PRP4K: variants seen among roughly 807,000 people sequenced by gnomAD.
The protein encoded by PRP4K is pre-mRNA processing factor kinase PRP4K.
At chr6:4,029,312 ACTCATT>A in the PRP4K span, among the ~76,000 whole-genome samples, 1 of 121,766 alleles carries the variant, frequency 8.2e-6, no homozygotes, top group South Asian at 2.8e-4. Flanking sequence ...TTAATTCCTT[ACTCATT>A]CTCTAGGGCG....
chr6:4,032,429 C>CAGAA, the PRP4K span: 1 of 1,614,064 alleles, frequency 6.2e-7, no homozygotes, highest in East Asian at 2.2e-5. Context: ...AATCCAAAGA[C>CAGAA]AGAAGGTCAC....
chr6:4,051,824 A>G, the PRP4K span: 1 of 560,060 alleles, frequency 1.8e-6, no homozygotes, highest in East Asian at 3.0e-5. Context: ...CAGTAGATTT[A>G]TTAGTACTTA....
At chr6:4,021,360 C>T in the PRP4K span, 13 of 1,549,240 alleles carry the variant, frequency 8.4e-6, no homozygotes, top group African/African-American at 2.7e-5. Flanking sequence ...CTTCTTCCTC[C>T]ACTTCCCCTA....
chr6:4,047,264 T>A, the PRP4K span: 1 of 1,594,450 alleles, frequency 6.3e-7, no homozygotes. Context: ...TTATTTTAAA[T>A]CAAGTGTTAA....
chr6:4,027,334 G>A, the PRP4K span, among the ~76,000 whole-genome samples: 2 of 152,038 alleles, frequency 1.3e-5, no homozygotes, highest in Non-Finnish European at 2.9e-5. Context: ...ATTTTCATAA[G>A]CCTATGATTT....
the PRP4K span, chr6:4,041,032 A>G: frequency 3.3e-6 from 4 of 1,197,866 alleles, no homozygotes; most frequent in South Asian, 1.6e-5. Flanking sequence ...AAGTGGCTCC[A>G]TTAATTTGGC....
chr6:4,029,599 T>C, the PRP4K span, among the ~76,000 whole-genome samples: 1 of 152,172 alleles, frequency 6.6e-6, no homozygotes, highest in East Asian at 1.9e-4. Flanking sequence ...GTGATCCTCC[T>C]GCCTTGGCCT....
At chr6:4,023,682 CA>C in the PRP4K span, among the ~76,000 whole-genome samples, 3 of 152,134 alleles carry the variant, frequency 2.0e-5, no homozygotes, top group African/African-American at 7.2e-5. Context: ...CTTTTGGACC[CA>C]TTCTGATTTT....
At chr6:4,033,240 AT>A in the PRP4K span, among the ~76,000 whole-genome samples, 4 of 152,220 alleles carry the variant, frequency 2.6e-5, no homozygotes, top group Admixed American at 2.0e-4. Flanking sequence ...CAATACCAAT[AT>A]TTTTTGGTCC....
chr6:4,037,273 C>T, the PRP4K span: 3 of 907,362 alleles, frequency 3.3e-6, no homozygotes, highest in Admixed American at 3.3e-5. Context: ...TGTTACAAAA[C>T]ACATTAATCA....
At chr6:4,041,331 A>C in the PRP4K span, among the ~76,000 whole-genome samples, 2 of 152,206 alleles carry the variant, frequency 1.3e-5, no homozygotes. Flanking sequence ...TGTCCTTTTT[A>C]CAACATGAAA....
the PRP4K span, chr6:4,032,533 A>G: frequency 6.2e-7 from 1 of 1,613,652 alleles, no homozygotes; most frequent in Non-Finnish European, 8.5e-7. Context: ...GGGAAAGAAA[A>G]TAGGTCACCC....
At chr6:4,022,626 C>T in the PRP4K span, among the ~76,000 whole-genome samples, 1 of 152,134 alleles carries the variant, frequency 6.6e-6, no homozygotes, top group Admixed American at 6.5e-5. Flanking sequence ...TTTTGGGCTC[C>T]TCAATCATCT....
the PRP4K span, chr6:4,031,777 C>T: frequency 6.2e-7 from 1 of 1,607,914 alleles, no homozygotes; most frequent in Non-Finnish European, 8.5e-7. Context: ...ATTGATGCTT[C>T]TGATAAAGAG....
chr6:4,022,091 C>CT, the PRP4K span, among the ~76,000 whole-genome samples: 1 of 144,966 alleles, frequency 6.9e-6, no homozygotes, highest in African/African-American at 2.6e-5. Flanking sequence ...CTACCGGCAG[C>CT]TTTTTTACCA....
chr6:4,042,755 GTTATACATAGAATTCTGGTTGT>G, the PRP4K span, among the ~76,000 whole-genome samples: 1 of 152,066 alleles, frequency 6.6e-6, no homozygotes, highest in Non-Finnish European at 1.5e-5. Context: ...CTCTTTGTTG[GTTATACATAGAATTCTGGTTGT>G]TTATACATAG....
chr6:4,040,896 A>C, the PRP4K span: 1 of 1,613,828 alleles, frequency 6.2e-7, no homozygotes, highest in South Asian at 1.1e-5. Flanking sequence ...TGAAGGAATG[A>C]AAGTTGAGCA....
At chr6:4,064,278 A>G in the PRP4K span, 2 of 152,546 alleles carry the variant, frequency 1.3e-5, no homozygotes, top group Non-Finnish European at 2.9e-5. Context: ...TCAAAATGAA[A>G]TATTTATGTA....
At chr6:4,051,880 G>A in the PRP4K span, 2 of 937,608 alleles carry the variant, frequency 2.1e-6, no homozygotes, top group South Asian at 2.1e-5. Flanking sequence ...GTCATACTGG[G>A]GCTAGCAAAT....
Sources: allele counts gnomAD v4.1 joint callset (sites outside exome capture counted in the v4.1 genomes callset), GRCh38; gene constraint gnomAD v4.1.1; transcripts MANE v1.5; gene names NCBI Gene and HGNC (gene_info 2026-07-23, HGNC 2026-07-21).